IRAG1: variants seen among roughly 807,000 people sequenced by gnomAD.
IRAG1 encodes inositol 1,4,5-triphosphate receptor associated 1.
IRAG1 carries 62 observed loss-of-function variants against 106.2 expected under a neutral mutation model. That is an observed-to-expected ratio of 0.58 (90% CI 0.48 to 0.72). IRAG1 has a LOEUF of 0.72. Among genes scored for constraint, IRAG1 ranks in the 30% least tolerant of loss-of-function variants. IRAG1 has a pLI of 0.00. For synonymous variants in IRAG1, 462 were observed against 443.9 expected (o/e 1.04, Z -0.51); for missense variants, 1,064 against 1,140.7 (o/e 0.93, Z 0.97).
chr11:10,610,684 T>C (rs1182026483), intron 10 of IRAG1, among the ~76,000 whole-genome samples: 3 of 152,198 alleles, frequency 2.0e-5, no homozygotes, highest in African/African-American at 7.2e-5. Flanking sequence ...AGATGTTCTC[T>C]AACAAGATCT....
chr11:10,637,747 C>T (rs1293817744), intron 2 of IRAG1, among the ~76,000 whole-genome samples: 2 of 151,792 alleles, frequency 1.3e-5, no homozygotes, highest in African/African-American at 4.8e-5. Context: ...TTCCAGGGGA[C>T]CAGAAGAGAA....
rs778783970 is a variant in IRAG1 at position 10,601,085 on chromosome 11, A to G, written c.1876-26T>C. On this transcript the variant is annotated intron_variant, in intron 14 of 20. Coordinates refer to ENST00000423302, the MANE Select transcript of IRAG1 (RefSeq NM_130385.4). ...CTGCGGGGAAGGAGCGCATGAGTGCATGAGGCCATTGGAGGAAAGGCTCCG... is the reference window on the plus strand; with the variant it reads ...CTGCGGGGAAGGAGCGCATGAGTGCGTGAGGCCATTGGAGGAAAGGCTCCG... The G allele has an allele frequency of 2.5e-6, 4 of 1,612,630 alleles. No individual in the cohort carries two copies. In the South Asian group the frequency reaches 3.3e-5, roughly 13 times the overall value.
At chr11:10,587,564 A>G (rs1295356988) in intron 18 of IRAG1, among the ~76,000 whole-genome samples, 1 of 152,212 alleles carries the variant, frequency 6.6e-6, no homozygotes, top group African/African-American at 2.4e-5. Context: ...TAAGGAATTT[A>G]CCCTGGGTGC....
Position 10,628,959 on chromosome 11 carries a change from G to T in IRAG1, c.575-131C>A. 1 of 815,926 alleles carries T rather than the reference G, an allele frequency of 1.2e-6. No homozygotes were observed. Among genetic ancestry groups the T allele is most frequent in the Non-Finnish European group, 1.9e-6 (1 of 514,430 alleles). 50.5% of individuals were successfully genotyped at this position (815,926 alleles called of 1,614,324 possible). On this transcript the variant is annotated intron_variant, in intron 5 of 20. Transcript: ENST00000423302. The surrounding 1 kb of genome is among the most constrained non-coding windows in gnomAD (Gnocchi z 4.1). Reference sequence around the variant, plus strand: ...TTGCTGGGCTCAGGGGCTGATGCTGGACTGCAATATGATGCTCCTGTTACA... The same window carrying T: ...TTGCTGGGCTCAGGGGCTGATGCTGTACTGCAATATGATGCTCCTGTTACA...
intron 15 of IRAG1, among the ~76,000 whole-genome samples, chr11:10,596,452 C>G (rs930244319): frequency 5.3e-5 from 8 of 152,120 alleles, no homozygotes; most frequent in Non-Finnish European, 1.5e-5. Flanking sequence ...TTCCCTTTGT[C>G]TTTACTGTTC....
intron 1 of IRAG1, among the ~76,000 whole-genome samples, chr11:10,661,270 C>T (rs190116396): frequency 6.6e-6 from 1 of 152,278 alleles, no homozygotes; most frequent in African/African-American, 2.4e-5. Context: ...CTTCTGTCCT[C>T]CTTCTATACT....
intron 3 of IRAG1, among the ~76,000 whole-genome samples, chr11:10,633,276 T>A (rs138173548): frequency 3.3e-5 from 5 of 152,072 alleles, no homozygotes; most frequent in Admixed American, 2.0e-4. Flanking sequence ...GTGGTTTCAC[T>A]GTGTTAGCCA....
chr11:10,633,738 A>C (rs1046019627), intron 3 of IRAG1, among the ~76,000 whole-genome samples: 6 of 152,338 alleles, frequency 3.9e-5, no homozygotes, highest in African/African-American at 1.4e-4. Flanking sequence ...AATGGGCTGG[A>C]GCCGTCGCAG....
At chr11:10,603,603 T>C (rs1345960095) in intron 13 of IRAG1, among the ~76,000 whole-genome samples, 9 of 151,846 alleles carry the variant, frequency 5.9e-5, no homozygotes, top group African/African-American at 2.2e-4. Context: ...TGGTACCGGT[T>C]TGCGGCCTGG....
intron 2 of IRAG1, among the ~76,000 whole-genome samples, chr11:10,637,852 A>C (rs1857252228): frequency 6.6e-6 from 1 of 152,172 alleles, no homozygotes; most frequent in Admixed American, 6.5e-5. Context: ...GTCAAATGGC[A>C]GGTAGCCAGA....
intron 11 of IRAG1, among the ~76,000 whole-genome samples, chr11:10,608,463 G>T (rs991076007): frequency 6.6e-6 from 1 of 152,026 alleles, no homozygotes; most frequent in Non-Finnish European, 1.5e-5. Flanking sequence ...AAAAGTGGGG[G>T]TCTGGGGGGA....
Position 10,600,922 on chromosome 11 carries a change from G to T in IRAG1, c.2013C>A (p.Pro671=). 1.2e-6 allele frequency: 2 copies of T among 1,614,048 alleles called. No homozygotes were observed. Among genetic ancestry groups the T allele is most frequent in the Non-Finnish European group, 1.7e-6 (2 of 1,179,874 alleles). The change falls in exon 15 of 21, where the codon CCC becomes CCA. Residue 671 remains proline (P), a synonymous_variant. Transcript: ENST00000423302. The part of the protein sequence containing the change: ...ANQNSSRSCG[P]SEDGVPRTAR... Reference sequence around the variant, plus strand: ...GGCAGGAGCCTAGGTCCTTACCAGAGGGGCCACAGCTGCGGCTTGAATTCT... The same window carrying T: ...GGCAGGAGCCTAGGTCCTTACCAGATGGGCCACAGCTGCGGCTTGAATTCT...
At chr11:10,675,522 T>C (rs1589961660) in intron 1 of IRAG1, among the ~76,000 whole-genome samples, 1 of 152,226 alleles carries the variant, frequency 6.6e-6, no homozygotes, top group Admixed American at 6.5e-5. Flanking sequence ...TTCCTAACAA[T>C]GACGACTGGG....
chr11:10,660,068 G>A (rs1859273610), intron 1 of IRAG1, among the ~76,000 whole-genome samples: 1 of 152,222 alleles, frequency 6.6e-6, no homozygotes, highest in Non-Finnish European at 1.5e-5. Flanking sequence ...CCACATGGGT[G>A]ACTTTAGAGA....
At chr11:10,584,485 G>A (rs1851721412) in intron 18 of IRAG1, among the ~76,000 whole-genome samples, 2 of 147,786 alleles carry the variant, frequency 1.4e-5, no homozygotes, top group Non-Finnish European at 1.5e-5. Flanking sequence ...TTATCCAAAC[G>A]ACTGGAGCAA....
chr11:10,692,158 C>T (rs1159919336), intron 1 of IRAG1, among the ~76,000 whole-genome samples: 3 of 151,688 alleles, frequency 2.0e-5, no homozygotes, highest in Non-Finnish European at 4.4e-5. Flanking sequence ...TAGGTGCATC[C>T]GCTGTGAATA....
intron 1 of IRAG1, chr11:10,687,603 G>C: frequency 9.0e-7 from 1 of 1,113,098 alleles, no homozygotes; most frequent in South Asian, 1.6e-5. Context: ...TTCAGTGAAG[G>C]AAAGAGGTGT....
intron 4 of IRAG1, among the ~76,000 whole-genome samples, chr11:10,630,866 C>T (rs1856642438): frequency 6.6e-6 from 1 of 152,224 alleles, no homozygotes; most frequent in East Asian, 1.9e-4. Context: ...AACCCCCCTC[C>T]CCTGTGCCAA....
rs79666507 is a variant in IRAG1, at chr11:10,693,028, G to A, written c.67+508C>T. Among the ~76,000 whole-genome samples the A allele has an allele frequency of 2.6e-3, 389 of 152,320 alleles. 2 individuals carry two copies. Among genetic ancestry groups the A allele is most frequent in the African/African-American group, 9.1e-3 (378 of 41,578 alleles). On this transcript the variant is annotated intron_variant, in intron 1 of 20. Coordinates refer to ENST00000423302, the MANE Select transcript of IRAG1 (RefSeq NM_130385.4). Reference sequence around the variant, plus strand: ...GGACAGAGATAAAAACAGGGACTGTGACAAGAACACAGGATGGGAAGGGCA... The same window carrying A: ...GGACAGAGATAAAAACAGGGACTGTAACAAGAACACAGGATGGGAAGGGCA...
Sources: allele counts gnomAD v4.1 joint callset (sites outside exome capture counted in the v4.1 genomes callset), GRCh38; gene constraint gnomAD v4.1.1; non-coding constraint Gnocchi (gnomAD v3.1); transcripts MANE v1.5; gene names NCBI Gene and HGNC (gene_info 2026-07-23, HGNC 2026-07-21).